The following NTRK2 variants were observed in gnomAD, a reference collection of about 807,000 sequenced individuals.
NTRK2 encodes the protein BDNF/NT-3 growth factors receptor.
Under a neutral mutation model 94.5 loss-of-function variants are expected in NTRK2, and 13 were observed. The observed-to-expected ratio is 0.14, with a 90% CI of 0.09 to 0.22. The LOEUF (loss-of-function observed/expected upper bound fraction) is 0.22, where lower values mean the gene tolerates loss of function less well. Among genes scored for constraint, NTRK2 ranks in the 10% least tolerant of loss-of-function variants. The pLI is 1.00. For missense variants in NTRK2, 639 were observed against 1,071.2 expected (o/e 0.60, Z 5.63); for synonymous variants, 372 against 407.4 (o/e 0.91, Z 1.05).
chr9:84,937,222 A>C (rs1030370675), intron 15 of NTRK2, among the ~76,000 whole-genome samples: 2 of 152,282 alleles, frequency 1.3e-5, no homozygotes, highest in East Asian at 3.9e-4. Flanking sequence ...ACAGCTTCTC[A>C]CCTCTATGGA....
intron 16 of NTRK2, among the ~76,000 whole-genome samples, chr9:84,949,917 C>G (rs2132908278): frequency 6.6e-6 from 1 of 152,328 alleles, no homozygotes; most frequent in Admixed American, 6.5e-5. Flanking sequence ...TGCTTTGAAA[C>G]AGTAAAGCTA....
chr9:84,918,321 C>G (rs1045655024), intron 14 of NTRK2, among the ~76,000 whole-genome samples: 2 of 152,166 alleles, frequency 1.3e-5, no homozygotes, highest in African/African-American at 4.8e-5. Context: ...CCTCCTTTGC[C>G]CCTGTCCTTT....
chr9:84,979,550 T>C (rs1376985614), intron 17 of NTRK2, among the ~76,000 whole-genome samples: 4 of 152,228 alleles, frequency 2.6e-5, no homozygotes, highest in Non-Finnish European at 5.9e-5. Flanking sequence ...GTGAAGGTGT[T>C]GTAAACATTG....
Position 84,699,039 on chromosome 9 carries a change from A to ATTT in NTRK2, c.213-3107_213-3105dup, listed in dbSNP as rs11397169. 8.2e-5 allele frequency among the ~76,000 whole-genome samples: 12 copies of ATTT among 145,730 alleles called. No individual in the cohort carries two copies. The South Asian group carries it at 1.3e-3, about 16-fold the overall frequency. On this transcript the variant is annotated intron_variant, in intron 2 of 18. Coordinates refer to ENST00000277120, the MANE Select transcript of NTRK2 (RefSeq NM_006180.6). Reference sequence around the variant, plus strand: ...ACTACTAGAGGAGCCCTTGCTGAAAATTTTTTTTTTTTTTTGAGACGGAGT... The same window carrying ATTT: ...ACTACTAGAGGAGCCCTTGCTGAAAATTTTTTTTTTTTTTTTTTGAGACGGAGT...
chr9:85,004,053 G>GAAAGAAAAGAAAGAAAGAAAGAA (rs1316613240), intron 17 of NTRK2, among the ~76,000 whole-genome samples: 8 of 64,820 alleles, frequency 1.2e-4, no homozygotes, highest in Admixed American at 1.6e-4. Flanking sequence ...AAGGGAGAAA[G>GAAAGAAAAGAAAGAAAGAAAGAA]AGAAAGAAAG....
chr9:84,747,328 G>A (rs528795432), intron 11 of NTRK2, among the ~76,000 whole-genome samples: 42 of 152,116 alleles, frequency 2.8e-4, no homozygotes, highest in South Asian at 8.3e-4. Flanking sequence ...GCTTCCTGCC[G>A]TATGCAATCA....
intron 12 of NTRK2, among the ~76,000 whole-genome samples, chr9:84,807,356 C>G (rs2071243168): frequency 6.6e-6 from 1 of 152,162 alleles, no homozygotes; most frequent in African/African-American, 2.4e-5. Context: ...CCTAAATCAG[C>G]AAATAGCAGA....
chr9:84,738,622 G>T (rs1356450368), intron 9 of NTRK2, among the ~76,000 whole-genome samples: 1 of 152,200 alleles, frequency 6.6e-6, no homozygotes, highest in Non-Finnish European at 1.5e-5. Flanking sequence ...AATACTTGAT[G>T]AGCTGGGGTC....
chr9:85,002,874 G>A (rs1830480180), intron 17 of NTRK2, among the ~76,000 whole-genome samples: 1 of 152,136 alleles, frequency 6.6e-6, no homozygotes, highest in Non-Finnish European at 1.5e-5. Flanking sequence ...ATGCATTTCT[G>A]GGGGTGGATA....
At chr9:84,957,771 T>TCCCCC (rs1316029730) in intron 17 of NTRK2, among the ~76,000 whole-genome samples, 1 of 152,226 alleles carries the variant, frequency 6.6e-6, no homozygotes, top group Non-Finnish European at 1.5e-5. Flanking sequence ...AATAATATGT[T>TCCCCC]CCCACAAAAA....
chr9:84,775,892 A>G (rs2066983541), intron 12 of NTRK2, among the ~76,000 whole-genome samples: 3 of 152,214 alleles, frequency 2.0e-5, no homozygotes, highest in African/African-American at 2.4e-5. Flanking sequence ...GGTGATTTAT[A>G]TGCTCTTTAA....
chr9:84,745,029 C>A lies in NTRK2; in HGVS notation c.1252C>A (p.Pro418Thr). Residue 418 changes from proline (P) to threonine (T), a missense_variant, in exon 11 of 19, where the codon CCT becomes ACT. Coordinates refer to ENST00000277120, the MANE Select transcript of NTRK2 (RefSeq NM_006180.6). ...CACCACGAACAGAAGTAATGAAATC[C>A]CTTCCACAGACGTCACTGATAAAAC... The part of the protein sequence containing the change: ...GDTTNRSNEI[P>T]STDVTDKTGR... The A allele has an allele frequency of 6.2e-7, 1 of 1,613,762 alleles. No homozygotes were observed. Among genetic ancestry groups the A allele is most frequent in the Non-Finnish European group, 8.5e-7 (1 of 1,179,964 alleles).
At chr9:84,752,677 A>G (rs950266830) in intron 12 of NTRK2, among the ~76,000 whole-genome samples, 18 of 152,234 alleles carry the variant, frequency 1.2e-4, no homozygotes, top group Non-Finnish European at 1.9e-4. Flanking sequence ...CCCAAAATAG[A>G]TAACTTGTCT....
intron 14 of NTRK2, chr9:84,876,216 A>G (rs1293773171): frequency 9.6e-7 from 1 of 1,041,504 alleles, no homozygotes; most frequent in African/African-American, 1.7e-5. Context: ...AGTGGTTGAT[A>G]TAGAGAGGAC....
chr9:84,815,455 C>G, intron 12 of NTRK2: 1 of 1,042,730 alleles, frequency 9.6e-7, no homozygotes, highest in Non-Finnish European at 1.2e-6. Context: ...TTGAGTTTCA[C>G]GCACTTCATG....
intron 12 of NTRK2, among the ~76,000 whole-genome samples, chr9:84,860,508 G>A (rs2075283825): frequency 6.6e-6 from 1 of 152,070 alleles, no homozygotes; most frequent in Admixed American, 6.6e-5. Context: ...TCTCCCACGG[G>A]ATTTTGTGTT....
intron 15 of NTRK2, among the ~76,000 whole-genome samples, chr9:84,935,406 A>G (rs1048842436): frequency 1.6e-4 from 24 of 152,234 alleles, no homozygotes; most frequent in African/African-American, 5.5e-4. Flanking sequence ...AGCAGACTAA[A>G]TGGTTTTTAT....
chr9:84,794,779 T>C (rs2069111215), intron 12 of NTRK2, among the ~76,000 whole-genome samples: 1 of 152,170 alleles, frequency 6.6e-6, no homozygotes, highest in African/African-American at 2.4e-5. Flanking sequence ...AACCTAATGC[T>C]AAGTAGGTTG....
chr9:84,909,761 A>G (rs2077183772), intron 14 of NTRK2, among the ~76,000 whole-genome samples: 1 of 151,702 alleles, frequency 6.6e-6, no homozygotes, highest in African/African-American at 2.4e-5. Flanking sequence ...CCTTTTCTTC[A>G]TCTTCTAATT....
Sources: gnomAD v4.1 joint callset for allele counts (sites outside exome capture counted in the v4.1 genomes callset) on GRCh38, gnomAD v4.1.1 for gene constraint, MANE v1.5 for transcripts, NCBI Gene and HGNC (gene_info 2026-07-23, HGNC 2026-07-21) for gene names.